ANKS1B: variants seen among roughly 807,000 people sequenced by gnomAD.
ANKS1B encodes the protein ankyrin repeat and sterile alpha motif domain containing 1B.
In ANKS1B, 36 loss-of-function variants were observed where a neutral mutation model predicts 148.3. That is an observed-to-expected ratio of 0.24 (90% CI 0.19 to 0.32). The LOEUF (loss-of-function observed/expected upper bound fraction) is 0.32, where lower values mean the gene tolerates loss of function less well. ANKS1B is among the 10% of genes least tolerant of loss of function. The pLI, the probability that ANKS1B is intolerant of heterozygous loss-of-function variation, is 1.00. For missense variants in ANKS1B, 1,157 were observed against 1,542.6 expected (o/e 0.75, Z 4.19); for synonymous variants, 542 against 560.8 (o/e 0.97, Z 0.47).
At position 99,172,071 on chromosome 12, in the gene ANKS1B, C is replaced by T. The variant is rs116375387; in HGVS notation, c.2420-17676G>A. On this transcript the variant is annotated intron_variant, in intron 14 of 26. Coordinates refer to ENST00000683438, the MANE Select transcript of ANKS1B (RefSeq NM_001352186.2). ...GACCATCTAATCTGTGCCTTGAAGA[C>T]GTAGTAGGAATTTTTGAGGCAAAAA... 5.2e-3 allele frequency among the ~76,000 whole-genome samples: 787 copies of T among 152,138 alleles called. 11 individuals carry two copies. The highest frequency in any genetic ancestry group is 0.019 in the African/African-American group (772 of 41,494).
At chr12:99,053,654 C>A (rs1038632438) in intron 16 of ANKS1B, among the ~76,000 whole-genome samples, 1 of 152,134 alleles carries the variant, frequency 6.6e-6, no homozygotes, top group East Asian at 1.9e-4. Context: ...AAATTCGATG[C>A]GAAAGTCACC....
chr12:99,044,005 T>C (rs2099960723), intron 17 of ANKS1B, among the ~76,000 whole-genome samples: 1 of 152,258 alleles, frequency 6.6e-6, no homozygotes, highest in Non-Finnish European at 1.5e-5. Flanking sequence ...TTATCTGAGA[T>C]CTTCTCTTAA....
At chr12:99,168,691 T>C (rs998814087) in intron 14 of ANKS1B, among the ~76,000 whole-genome samples, 3 of 152,098 alleles carry the variant, frequency 2.0e-5, no homozygotes, top group African/African-American at 7.2e-5. Flanking sequence ...AGCATCTAGG[T>C]AAAAGCTCTA....
intron 3 of ANKS1B, among the ~76,000 whole-genome samples, chr12:99,811,238 G>A (rs189788528): frequency 3.5e-4 from 53 of 151,770 alleles, no homozygotes; most frequent in African/African-American, 1.2e-3. Flanking sequence ...TTCAAAGTCC[G>A]GCAAAGTCTG....
At chr12:99,732,539 A>T (rs573364324) in intron 8 of ANKS1B, among the ~76,000 whole-genome samples, 1 of 152,328 alleles carries the variant, frequency 6.6e-6, no homozygotes, top group East Asian at 1.9e-4. Context: ...CTAGAAAAAA[A>T]AATTATAGTG....
intron 9 of ANKS1B, among the ~76,000 whole-genome samples, chr12:99,566,998 A>G (rs2097401542): frequency 6.6e-6 from 1 of 152,166 alleles, no homozygotes; most frequent in Non-Finnish European, 1.5e-5. Context: ...AACAACACTC[A>G]GTCAGTTTCT....
intron 14 of ANKS1B, among the ~76,000 whole-genome samples, chr12:99,172,789 A>T (rs2077936066): frequency 6.6e-6 from 1 of 152,164 alleles, no homozygotes; most frequent in Non-Finnish European, 1.5e-5. Flanking sequence ...AGCTGAGAGG[A>T]TTAAAGATGT....
chr12:99,758,542 T>TA (rs58527391), intron 8 of ANKS1B, among the ~76,000 whole-genome samples: 2 of 151,056 alleles, frequency 1.3e-5, no homozygotes, highest in African/African-American at 2.4e-5. Flanking sequence ...TTTTTCATAT[T>TA]AAAAAAATCT....
At chr12:99,289,037 T>C (rs1486612968) in intron 12 of ANKS1B, among the ~76,000 whole-genome samples, 1 of 151,752 alleles carries the variant, frequency 6.6e-6, no homozygotes, top group Non-Finnish European at 1.5e-5. Flanking sequence ...ATTTCACCTA[T>C]AAAAACTCAT....
intron 17 of ANKS1B, among the ~76,000 whole-genome samples, chr12:98,952,811 A>G (rs1374715176): frequency 1.3e-5 from 2 of 152,098 alleles, no homozygotes; most frequent in Non-Finnish European, 2.9e-5. Flanking sequence ...ACATTTTTCT[A>G]CCATAATTCT....
In ANKS1B at chr12:98,914,925, T is replaced by C. The variant is rs534863745; in HGVS notation, c.2779-82789A>G. Among the ~76,000 whole-genome samples the C allele has an allele frequency of 2.6e-5, 4 of 152,326 alleles. No individual in the cohort carries two copies. The South Asian group carries it at 8.3e-4, about 32-fold the overall frequency. On this transcript the variant is annotated intron_variant, in intron 17 of 26. Transcript: ENST00000683438. ...CACTTTATTACCCTCTAATATCCTA[T>C]ATATTTTACTTACCTATTTTGTTTC...
At chr12:98,887,560 T>C (rs2099742939) in intron 17 of ANKS1B, among the ~76,000 whole-genome samples, 1 of 152,140 alleles carries the variant, frequency 6.6e-6, no homozygotes, top group African/African-American at 2.4e-5. Context: ...TTATTGGAAG[T>C]TCAACAATTA....
chr12:98,818,201 CTCCCTCTT>C (rs899674394), intron 19 of ANKS1B, among the ~76,000 whole-genome samples: 15 of 142,046 alleles, frequency 1.1e-4, no homozygotes, highest in Non-Finnish European at 2.0e-4. Context: ...CTCTTCCTCC[CTCCCTCTT>C]TCCCTCTTTC....
At chr12:99,648,678 C>A (rs2098397392) in intron 9 of ANKS1B, 1 of 1,614,132 alleles carries the variant, frequency 6.2e-7, no homozygotes, top group African/African-American at 1.3e-5. Flanking sequence ...ACTGGGAAAA[C>A]CTTGTTTACA....
intron 14 of ANKS1B, among the ~76,000 whole-genome samples, chr12:99,172,105 AT>A (rs2077834252): frequency 6.6e-6 from 1 of 152,154 alleles, no homozygotes; most frequent in Non-Finnish European, 1.5e-5. Flanking sequence ...AAGAAGGAAG[AT>A]GGTGTTCCAG....
chr12:98,983,522 A>T (rs1388230259), intron 17 of ANKS1B, among the ~76,000 whole-genome samples: 1 of 152,232 alleles, frequency 6.6e-6, no homozygotes, highest in East Asian at 1.9e-4. Flanking sequence ...CCATAGTCAC[A>T]AGAATAATTC....
chr12:99,349,105 T>C (rs1432211911), intron 12 of ANKS1B, among the ~76,000 whole-genome samples: 1 of 151,888 alleles, frequency 6.6e-6, no homozygotes, highest in East Asian at 1.9e-4. Context: ...GGGTATTAAT[T>C]CAAACTCGAT....
At chr12:99,487,284 A>G (rs547063444) in intron 10 of ANKS1B, among the ~76,000 whole-genome samples, 1 of 152,306 alleles carries the variant, frequency 6.6e-6, no homozygotes, top group Non-Finnish European at 1.5e-5. Flanking sequence ...TTTACTATGT[A>G]TTTGTGAAAT....
intron 1 of ANKS1B, among the ~76,000 whole-genome samples, chr12:99,925,907 T>A (rs756540112): frequency 2.0e-5 from 3 of 152,244 alleles, no homozygotes; most frequent in African/African-American, 7.2e-5. Context: ...ACAGATTTTT[T>A]ATCTGATTCT....
Sources: allele counts gnomAD v4.1 joint callset (sites outside exome capture counted in the v4.1 genomes callset), GRCh38; gene constraint gnomAD v4.1.1; transcripts MANE v1.5; gene names NCBI Gene and HGNC (gene_info 2026-07-23, HGNC 2026-07-21).